The following BCAP29 variants were observed in gnomAD, a reference collection of about 807,000 sequenced individuals.
The protein encoded by BCAP29 is B cell receptor associated protein 29.
Under a neutral mutation model 31.8 loss-of-function variants are expected in BCAP29, and 34 were observed. That is an observed-to-expected ratio of 1.07 (90% confidence interval 0.81 to 1.42). The LOEUF is 1.42. BCAP29 is among the 40% of genes most tolerant of loss of function. The probability of loss-of-function intolerance (pLI) is 0.00; values close to 1 mark genes in which losing one functional copy is unlikely to be tolerated. For missense variants in BCAP29, 314 were observed against 269.2 expected (o/e 1.17, Z -1.16); for synonymous variants, 104 against 91.3 (o/e 1.14, Z -0.79).
chr7:107,612,429 A>ATT (rs1468350185), intron 6 of BCAP29, among the ~76,000 whole-genome samples: 584 of 30,092 alleles, frequency 0.019, 19 homozygotes, highest in South Asian at 0.045. Flanking sequence ...ATATATATAT[A>ATT]TATATATATA....
intron 5 of BCAP29, among the ~76,000 whole-genome samples, chr7:107,596,520 T>G (rs1019961484): frequency 6.6e-6 from 1 of 152,186 alleles, no homozygotes; most frequent in African/African-American, 2.4e-5. Context: ...TTGATCTCAT[T>G]TCACAGTGGC....
chr7:107,602,730 G>A (rs779598394), intron 6 of BCAP29, among the ~76,000 whole-genome samples: 10 of 152,002 alleles, frequency 6.6e-5, no homozygotes, highest in Non-Finnish European at 1.2e-4. Flanking sequence ...GTGGCATTCT[G>A]AAGGCAGCTA....
At position 107,618,343 on chromosome 7, in the gene BCAP29, G is replaced by T; in HGVS notation, c.706G>T (p.Gly236Cys). The change falls in exon 8 of 8, where the codon GGC (glycine) becomes TGC (cysteine). Residue 236 changes from glycine to cysteine, a missense_variant. Transcript: ENST00000005259. ...HSELQDRLER[G>C]NKKRL ...TTCCTTACAGGATCGTTTAGAAAGA[G>T]GCAACAAGAAAAGACTGTGAACTTT... The T allele has an allele frequency of 6.3e-7, 1 of 1,591,860 alleles. No homozygotes were observed. The highest frequency in any genetic ancestry group is 1.1e-5 in the South Asian group (1 of 88,486).
chr7:107,622,030 ATAGCCT>A, downstream of BCAP29: 1 of 448,894 alleles, frequency 2.2e-6, no homozygotes. Context: ...TAAGTCAAAG[ATAGCCT>A]TAGCCATCTC....
intron 7 of BCAP29, among the ~76,000 whole-genome samples, chr7:107,617,022 A>G (rs1245677568): frequency 1.3e-5 from 2 of 152,136 alleles, no homozygotes; most frequent in Non-Finnish European, 2.9e-5. Context: ...TATAGGCTCG[A>G]GCCACCGTGC....
chr7:107,596,063 G>C (rs1160305063), intron 5 of BCAP29, 61 bp downstream of exon 5: 51 of 1,397,720 alleles, frequency 3.6e-5, no homozygotes, highest in Non-Finnish European at 4.7e-5. Context: ...TAATGTATTT[G>C]TTTTCAGCAT....
intron 3 of BCAP29, among the ~76,000 whole-genome samples, chr7:107,585,472 G>A (rs752049955): frequency 6.6e-6 from 1 of 152,118 alleles, no homozygotes; most frequent in African/African-American, 2.4e-5. Flanking sequence ...AAGGAAAACC[G>A]GTTCCAGTTC....
chr7:107,614,719 A>G (rs1235269945), intron 7 of BCAP29, among the ~76,000 whole-genome samples: 1 of 152,204 alleles, frequency 6.6e-6, no homozygotes, highest in Non-Finnish European at 1.5e-5. Flanking sequence ...GACAATAGCA[A>G]AAGACAAGGT....
intron 6 of BCAP29, among the ~76,000 whole-genome samples, chr7:107,609,584 G>C (rs1314574231): frequency 1.3e-5 from 2 of 152,132 alleles, no homozygotes; most frequent in Non-Finnish European, 2.9e-5. Context: ...TGAATAAAAC[G>C]TAAATCTTTA....
At chr7:107,621,707 G>A (rs549206694), downstream of BCAP29, 31 of 472,094 alleles carry the variant, frequency 6.6e-5, no homozygotes, top group East Asian at 2.8e-4. Context: ...TGATGGAGCC[G>A]CAGCAAAGGA....
Position 107,612,422 on chromosome 7 carries a change from TATATATATATA to T in BCAP29, c.590-909_590-899del, listed in dbSNP as rs1563141408. On this transcript the variant is annotated intron_variant, in intron 6 of 7. Transcript: ENST00000005259. ...ATATATATATATATATATATATATA[TATATATATATA>T]TATATATTTATTTTACTTCTATCTA... Among the ~76,000 whole-genome samples, 204 of 45,438 alleles carry T rather than the reference TATATATATATA, an allele frequency of 4.5e-3. 8 individuals are homozygous for T. The highest frequency in any genetic ancestry group is 9.3e-3 in the African/African-American group (193 of 20,838). The allele number at this position is 45,438 out of a possible 152,430, so 29.8% of individuals were successfully genotyped here. A position where few individuals can be genotyped will look rare whatever the true frequency, so the allele number is the denominator to read the frequency against.
chr7:107,613,077 ATATTT>A (rs1357483923), intron 6 of BCAP29, among the ~76,000 whole-genome samples: 1 of 152,178 alleles, frequency 6.6e-6, no homozygotes, highest in Admixed American at 6.5e-5. Flanking sequence ...ATGTTAGATA[ATATTT>A]TGTTTCTGGG....
intron 6 of BCAP29, among the ~76,000 whole-genome samples, chr7:107,605,599 AAGC>A (rs1713328479): frequency 6.6e-6 from 1 of 152,198 alleles, no homozygotes; most frequent in Admixed American, 6.5e-5. Context: ...GCAAAGCAAA[AAGC>A]AGAGTGGTCT....
At position 107,595,698 on chromosome 7, in the gene BCAP29, G is replaced by T. The variant is rs1245957137; in HGVS notation, c.345-169G>T. The T allele has an allele frequency of 5.2e-6, 3 of 573,526 alleles. No homozygotes were observed. The African/African-American group carries it at 6.0e-5, about 11-fold the overall frequency. 35.5% of individuals were successfully genotyped at this position (573,526 alleles called of 1,614,324 possible). A position where few individuals can be genotyped will look rare whatever the true frequency, so the allele number is the denominator to read the frequency against. The stretch of plus-strand genomic sequence containing the variant: ...AAGATTCCAAAGGAATGAGACACGG[G>T]CCTGTTTTTACTAAGAGACTTGAAT... On this transcript the variant is annotated intron_variant, in intron 4 of 7. Transcript: ENST00000005259.
chr7:107,580,101 C>A (rs1475133717), upstream of BCAP29: 1 of 152,272 alleles, frequency 6.6e-6, no homozygotes. Flanking sequence ...TCTGACCTGC[C>A]GCCAATTAGA....
intron 6 of BCAP29, among the ~76,000 whole-genome samples, chr7:107,606,184 A>T (rs1396279805): frequency 6.6e-6 from 1 of 152,186 alleles, no homozygotes; most frequent in Non-Finnish European, 1.5e-5. Flanking sequence ...TTGCTAAGTT[A>T]TATGAATTAC....
chr7:107,616,353 T>G (rs1384000254), intron 7 of BCAP29: 1 of 152,266 alleles, frequency 6.6e-6, no homozygotes, highest in Non-Finnish European at 1.5e-5. Context: ...GCTTTTCTGC[T>G]ATTGATAATC....
Position 107,613,291 on chromosome 7 carries a change from A to G in BCAP29, c.590-41A>G, listed in dbSNP as rs118020551. 2.1e-3 allele frequency: 3,037 copies of G among 1,466,946 alleles called. 90 individuals are homozygous for G. The East Asian group carries it at 0.061, about 30-fold the overall frequency. 90.9% of individuals were successfully genotyped at this position (1,466,946 alleles called of 1,614,324 possible). A position where few individuals can be genotyped will look rare whatever the true frequency, so the allele number is the denominator to read the frequency against. ...CTTGTAACTTTTCTATAAATTTGAA[A>G]TTATTCTGAAATAAAAATAAAACTA... is the stretch of plus-strand genomic sequence containing the variant. On this transcript the variant is annotated intron_variant, in intron 6 of 7. Coordinates refer to ENST00000005259, the MANE Select transcript of BCAP29 (RefSeq NM_018844.4).
At chr7:107,589,917 G>A (rs187201322) in intron 3 of BCAP29, among the ~76,000 whole-genome samples, 124 of 152,168 alleles carry the variant, frequency 8.1e-4, no homozygotes, top group African/African-American at 2.9e-3. Context: ...CAAAATGCTG[G>A]GATTACAGAT....
Sources: allele counts gnomAD v4.1 joint callset (sites outside exome capture counted in the v4.1 genomes callset), GRCh38; gene constraint gnomAD v4.1.1; transcripts MANE v1.5; gene names NCBI Gene and HGNC (gene_info 2026-07-23, HGNC 2026-07-21).